The following LARGE1 variants were observed in gnomAD, a reference collection of about 807,000 sequenced individuals.
LARGE1 encodes LARGE xylosyl- and glucuronyltransferase 1.
A neutral mutation model predicts 87.6 loss-of-function variants in LARGE1; 43 were observed. That is an observed-to-expected ratio of 0.49 (90% CI 0.38 to 0.63). The LOEUF is 0.63. Ranked by LOEUF, LARGE1 falls within the 30% of genes least tolerant of loss-of-function variation. The probability of loss-of-function intolerance (pLI) is 0.00; values close to 1 mark genes in which losing one functional copy is unlikely to be tolerated. For synonymous variants in LARGE1, 434 were observed against 394.6 expected (o/e 1.10, Z -1.18); for missense variants, 802 against 1,000.2 (o/e 0.80, Z 2.67).
intron 11 of LARGE1, among the ~76,000 whole-genome samples, chr22:33,233,492 C>T (rs1200796432): frequency 1.3e-5 from 2 of 152,144 alleles, no homozygotes; most frequent in African/African-American, 2.4e-5. Flanking sequence ...TGGCCTCCTT[C>T]CTTCCTTGTT....
exon 12 of LARGE1, chr22:33,165,573 C>T (rs916306837): frequency 6.6e-6 from 1 of 152,162 alleles, no homozygotes; most frequent in African/African-American, 2.4e-5. Flanking sequence ...TAGATCCAAA[C>T]CCCCAAAATT....
At chr22:33,133,585 G>A in the LARGE1 span, among the ~76,000 whole-genome samples, 1 of 152,272 alleles carries the variant, frequency 6.6e-6, no homozygotes, top group South Asian at 2.1e-4. Context: ...ATCATTGATG[G>A]GCATTTGGGT....
At chr22:33,194,005 T>C (rs1382618672) in intron 11 of LARGE1, among the ~76,000 whole-genome samples, 1 of 140,074 alleles carries the variant, frequency 7.1e-6, no homozygotes, top group Non-Finnish European at 1.6e-5. Flanking sequence ...TATAAAAACA[T>C]AGATGTCACA....
At chr22:33,458,580 C>A (rs1319267664) in intron 6 of LARGE1, among the ~76,000 whole-genome samples, 1 of 151,978 alleles carries the variant, frequency 6.6e-6, no homozygotes, top group Non-Finnish European at 1.5e-5. Flanking sequence ...CATGTGCCAC[C>A]ATGCCCGGCT....
rs1484632437 is a variant in LARGE1, at chr22:33,274,458, A to T, written c.2240T>A (p.Leu747Gln). The T allele has an allele frequency of 6.2e-7, 1 of 1,614,072 alleles. No individual in the cohort carries two copies. The highest frequency in any genetic ancestry group is 1.3e-5 in the African/African-American group (1 of 74,930). The change falls in exon 15 of 15, where the codon CTG becomes CAG. Residue 747 changes from leucine to glutamine, a missense_variant. Coordinates refer to ENST00000397394, the MANE Select transcript of LARGE1 (RefSeq NM_133642.5). ...DMSRRYGFAA[L>Q]KYLTAENNS ...GTTGTTCTCGGCTGTGAGATATTTCAGGGCAGCAAAGCCGTAGCGGCGGGA... is the reference window on the plus strand; with the variant it reads ...GTTGTTCTCGGCTGTGAGATATTTCTGGGCAGCAAAGCCGTAGCGGCGGGA...
intron 4 of LARGE1, among the ~76,000 whole-genome samples, chr22:33,612,989 A>G (rs1002261755): frequency 6.6e-6 from 1 of 152,118 alleles, no homozygotes; most frequent in Non-Finnish European, 1.5e-5. Flanking sequence ...CCAGAAAGAA[A>G]CCTCACCCTC....
chr22:33,278,163 G>A (rs1308941994), intron 13 of LARGE1, among the ~76,000 whole-genome samples: 1 of 152,220 alleles, frequency 6.6e-6, no homozygotes, highest in East Asian at 1.9e-4. Flanking sequence ...GCTATGTTGG[G>A]AGCTGCCTAT....
chr22:33,198,319 C>T (rs1488865929), intron 11 of LARGE1, among the ~76,000 whole-genome samples: 6 of 98,412 alleles, frequency 6.1e-5, no homozygotes, highest in African/African-American at 2.7e-4. Flanking sequence ...CAAGCTATGA[C>T]ATAAAATGTA....
At chr22:33,790,291 A>G (rs1282155184) in intron 1 of LARGE1, among the ~76,000 whole-genome samples, 5 of 152,146 alleles carry the variant, frequency 3.3e-5, no homozygotes, top group Admixed American at 1.3e-4. Context: ...GTGAACTGTG[A>G]GTCCATTAAA....
chr22:33,673,743 G>T (rs2081485053), intron 2 of LARGE1, among the ~76,000 whole-genome samples: 1 of 152,104 alleles, frequency 6.6e-6, no homozygotes, highest in Non-Finnish European at 1.5e-5. Flanking sequence ...TGTCGCCCAG[G>T]CTGGAGTGCA....
chr22:33,622,514 A>G (rs758837530), intron 4 of LARGE1, among the ~76,000 whole-genome samples: 3 of 152,238 alleles, frequency 2.0e-5, no homozygotes, highest in Admixed American at 6.5e-5. Flanking sequence ...CACAGGTGCT[A>G]AGCCAAAATG....
chr22:33,738,392 C>G (rs948709133), intron 2 of LARGE1, among the ~76,000 whole-genome samples: 29 of 152,126 alleles, frequency 1.9e-4, no homozygotes, highest in African/African-American at 6.8e-4. Flanking sequence ...ACTAATCAGG[C>G]TCTCTAGCAT....
At chr22:33,130,313 CAAAAAAAAA>C in the LARGE1 span, among the ~76,000 whole-genome samples, 2,168 of 56,990 alleles carry the variant, frequency 0.038, 63 homozygotes, top group Admixed American at 0.1. Flanking sequence ...GATTCCGTCT[CAAAAAAAAA>C]AAAAAAAAAA....
chr22:33,362,347 A>C (rs2064417240), intron 9 of LARGE1, among the ~76,000 whole-genome samples: 1 of 149,784 alleles, frequency 6.7e-6, no homozygotes, highest in Non-Finnish European at 1.5e-5. Flanking sequence ...AACCTGGGAG[A>C]GGTTAAGTGA....
intron 6 of LARGE1, among the ~76,000 whole-genome samples, chr22:33,524,633 C>T (rs1569238115): frequency 6.6e-6 from 1 of 152,006 alleles, no homozygotes; most frequent in Non-Finnish European, 1.5e-5. Context: ...TTGGAGTAAG[C>T]CCTCTTTTCC....
chr22:33,086,514 G>C, the LARGE1 span, among the ~76,000 whole-genome samples: 1 of 150,442 alleles, frequency 6.6e-6, no homozygotes, highest in South Asian at 2.1e-4. Flanking sequence ...CAATTATATG[G>C]ACAATTGTTT....
At chr22:33,416,049 C>T (rs2066474887) in intron 7 of LARGE1, among the ~76,000 whole-genome samples, 1 of 152,174 alleles carries the variant, frequency 6.6e-6, no homozygotes, top group Admixed American at 6.5e-5. Context: ...AGCTATTTCC[C>T]ATTCATGCCA....
chr22:33,289,594 A>C (rs1337938845), intron 12 of LARGE1, among the ~76,000 whole-genome samples: 1 of 152,220 alleles, frequency 6.6e-6, no homozygotes, highest in Non-Finnish European at 1.5e-5. Flanking sequence ...AGAGTGAAGG[A>C]GGATTCAGAG....
At chr22:33,592,314 T>C (rs2078864410) in intron 5 of LARGE1, among the ~76,000 whole-genome samples, 1 of 152,160 alleles carries the variant, frequency 6.6e-6, no homozygotes, top group Non-Finnish European at 1.5e-5. Flanking sequence ...TTTATTATTA[T>C]TATTATTTTT....
Sources: allele counts gnomAD v4.1 joint callset (sites outside exome capture counted in the v4.1 genomes callset), GRCh38; gene constraint gnomAD v4.1.1; transcripts MANE v1.5; gene names NCBI Gene and HGNC (gene_info 2026-07-23, HGNC 2026-07-21).